NMNAT2: variants seen among roughly 807,000 people sequenced by gnomAD.
NMNAT2 encodes the protein nicotinamide/nicotinic acid mononucleotide adenylyltransferase 2.
A neutral mutation model predicts 41.6 loss-of-function variants in NMNAT2; 11 were observed. The observed-to-expected ratio is 0.26, with a 90% CI of 0.17 to 0.44. NMNAT2 has a LOEUF of 0.44. Among genes scored for constraint, NMNAT2 ranks in the 20% least tolerant of loss-of-function variants. The pLI is 1.00. For missense variants in NMNAT2, 288 were observed against 407.7 expected (o/e 0.71, Z 2.53); for synonymous variants, 148 against 151.2 (o/e 0.98, Z 0.16).
intron 1 of NMNAT2, among the ~76,000 whole-genome samples, chr1:183,357,963 T>G (rs776150239): frequency 1.3e-5 from 2 of 152,222 alleles, no homozygotes; most frequent in Non-Finnish European, 2.9e-5. Context: ...TAAAGATGCA[T>G]GCACACGTAT....
intron 1 of NMNAT2, among the ~76,000 whole-genome samples, chr1:183,394,165 G>A (rs182570714): frequency 6.6e-6 from 1 of 152,292 alleles, no homozygotes; most frequent in African/African-American, 2.4e-5. Flanking sequence ...TAACAGAATG[G>A]ACAGTGCCTC....
At chr1:183,327,589 C>T (rs2102336195) in intron 1 of NMNAT2, among the ~76,000 whole-genome samples, 1 of 152,330 alleles carries the variant, frequency 6.6e-6, no homozygotes, top group Non-Finnish European at 1.5e-5. Flanking sequence ...ACTGCACAGA[C>T]ATCAGTATGT....
chr1:183,295,453 G>T (rs896757222), intron 1 of NMNAT2, among the ~76,000 whole-genome samples: 3 of 152,066 alleles, frequency 2.0e-5, no homozygotes, highest in African/African-American at 4.8e-5. Flanking sequence ...CTCCCTTCAT[G>T]CAGTTTCCCC....
At chr1:183,326,103 C>A (rs376335468) in intron 1 of NMNAT2, among the ~76,000 whole-genome samples, 1 of 152,042 alleles carries the variant, frequency 6.6e-6, no homozygotes, top group Non-Finnish European at 1.5e-5. Context: ...AGGCCAGGCA[C>A]GGTGGCTCAT....
At chr1:183,314,629 A>G (rs940840794) in intron 1 of NMNAT2, among the ~76,000 whole-genome samples, 2 of 152,246 alleles carry the variant, frequency 1.3e-5, no homozygotes, top group African/African-American at 2.4e-5. Flanking sequence ...CTTATCAACT[A>G]GACATTTGAC....
intron 8 of NMNAT2, among the ~76,000 whole-genome samples, chr1:183,270,754 G>C (rs549360984): frequency 3.5e-4 from 53 of 152,178 alleles, no homozygotes; most frequent in Non-Finnish European, 5.3e-4. Context: ...ATTTGGTATC[G>C]TTTGGTATCA....
chr1:183,284,367 A>T (rs929006433), intron 6 of NMNAT2, among the ~76,000 whole-genome samples: 2 of 152,256 alleles, frequency 1.3e-5, no homozygotes, highest in Non-Finnish European at 2.9e-5. Flanking sequence ...CACAAGAGCA[A>T]CATCCTTACA....
chr1:183,324,342 G>C (rs768321692), intron 1 of NMNAT2, among the ~76,000 whole-genome samples: 1 of 152,184 alleles, frequency 6.6e-6, no homozygotes, highest in Non-Finnish European at 1.5e-5. Flanking sequence ...GCATTGACAA[G>C]GCGGAATGAG....
At chr1:183,264,807 A>G (rs894547919) in intron 8 of NMNAT2, among the ~76,000 whole-genome samples, 2 of 151,812 alleles carry the variant, frequency 1.3e-5, no homozygotes, top group African/African-American at 4.8e-5. Flanking sequence ...TCAAGCCCCC[A>G]TTGCCAGCCT....
chr1:183,369,832 T>G (rs1457268825), intron 1 of NMNAT2, among the ~76,000 whole-genome samples: 1 of 152,086 alleles, frequency 6.6e-6, no homozygotes, highest in Non-Finnish European at 1.5e-5. Flanking sequence ...ACTTTCCGTC[T>G]TAATAAATTC....
At chr1:183,302,836 C>T (rs532875207) in intron 1 of NMNAT2, among the ~76,000 whole-genome samples, 75 of 152,212 alleles carry the variant, frequency 4.9e-4, no homozygotes, top group African/African-American at 1.7e-3. Flanking sequence ...TCTGGCTGAC[C>T]CTGGAGCCTC....
chr1:183,330,900 T>C (rs949712724), intron 1 of NMNAT2, among the ~76,000 whole-genome samples: 3 of 152,130 alleles, frequency 2.0e-5, no homozygotes, highest in East Asian at 1.9e-4. Context: ...GAGCTCCCAG[T>C]CCCTGTGTAA....
intron 1 of NMNAT2, among the ~76,000 whole-genome samples, chr1:183,320,986 T>A (rs1350558301): frequency 6.6e-6 from 1 of 152,228 alleles, no homozygotes; most frequent in Non-Finnish European, 1.5e-5. Context: ...CCTTTCTGTG[T>A]CTTTTTAAAG....
intron 1 of NMNAT2, among the ~76,000 whole-genome samples, chr1:183,366,826 C>G (rs141191392): frequency 6.6e-6 from 1 of 152,248 alleles, no homozygotes; most frequent in East Asian, 1.9e-4. Context: ...GACCTCTATG[C>G]CTTTTTGCAT....
At chr1:183,296,713 C>A (rs559387691) in intron 1 of NMNAT2, among the ~76,000 whole-genome samples, 161 of 152,058 alleles carry the variant, frequency 1.1e-3, no homozygotes, top group Admixed American at 0.01. Flanking sequence ...GGGGTTTCAC[C>A]ATGTTAGCCA....
intron 1 of NMNAT2, among the ~76,000 whole-genome samples, chr1:183,347,913 TC>T (rs1441175437): frequency 6.6e-6 from 1 of 152,128 alleles, no homozygotes; most frequent in East Asian, 1.9e-4. Context: ...GAAACTCAGT[TC>T]CCTTCAATGA....
intron 1 of NMNAT2, among the ~76,000 whole-genome samples, chr1:183,374,906 T>A (rs1158107361): frequency 5.3e-5 from 8 of 152,294 alleles, no homozygotes; most frequent in African/African-American, 1.9e-4. Context: ...TTTAGTCCCC[T>A]CCCTAGGAAT....
chr1:183,309,154 C>T (rs1367510676), intron 1 of NMNAT2, among the ~76,000 whole-genome samples: 1 of 152,166 alleles, frequency 6.6e-6, no homozygotes, highest in African/African-American at 2.4e-5. Context: ...TGCATGCCAC[C>T]ACACCAGGCC....
At position 183,379,079 on chromosome 1, in the gene NMNAT2, TATCTATATCTATA is replaced by T. The variant is rs1318014517; in HGVS notation, c.85+39091_85+39103del. Among the ~76,000 whole-genome samples the T allele has an allele frequency of 7.0e-3, 540 of 77,200 alleles. 2 individuals are homozygous for T. The highest frequency in any genetic ancestry group is 0.018 in the East Asian group (15 of 850). The allele number at this position is 77,200 out of a possible 152,430, so 50.6% of individuals were successfully genotyped here. On this transcript the variant is annotated intron_variant, in intron 1 of 10. Transcript: ENST00000287713. ...ATATCTATATCTATATCTATATCTA[TATCTATATCTATA>T]ATCTATAATCTATATCTCTCTCTCT... is the stretch of plus-strand genomic sequence containing the variant.
Sources: gnomAD v4.1 joint callset for allele counts (sites outside exome capture counted in the v4.1 genomes callset) on GRCh38, gnomAD v4.1.1 for gene constraint, MANE v1.5 for transcripts, NCBI Gene and HGNC (gene_info 2026-07-23, HGNC 2026-07-21) for gene names.